The following POF1B variants were observed in gnomAD, a reference collection of about 807,000 sequenced individuals.
POF1B encodes protein POF1B.
Under a neutral mutation model 55.3 loss-of-function variants are expected in POF1B, and 53 were observed. The observed-to-expected ratio is 0.96, with a 90% CI of 0.77 to 1.20. POF1B has a LOEUF of 1.20. Ranked by LOEUF, POF1B falls within the 50% of genes most tolerant of loss-of-function variation. POF1B has a pLI of 0.00. For missense variants in POF1B, 478 were observed against 420.5 expected, an observed-to-expected ratio of 1.14 and a Z score of -1.20; for synonymous variants, 188 against 148.3, an observed-to-expected ratio of 1.27 and a Z score of -1.95.
At chrX:85,311,555 T>C (rs1603037079) in intron 9 of POF1B, among the ~76,000 whole-genome samples, 1 of 111,924 alleles carries the variant, frequency 8.9e-6, no homozygotes, top group African/African-American at 3.3e-5. Context: ...TAGTATTCCA[T>C]GGTGCGTATG....
At position 85,314,174 on chromosome X, in the gene POF1B, C is replaced by T. The variant is rs781741449; in HGVS notation, c.957+258G>A. Among the ~76,000 whole-genome samples the T allele has an allele frequency of 9.9e-5, 11 of 110,611 alleles. No individual in the cohort carries two copies. In the South Asian group the frequency reaches 4.2e-3, roughly 43 times the overall value. On this transcript the variant is annotated intron_variant, in intron 9 of 16. Transcript: ENST00000262753. ...AACTATGAGATAGAGTCAGATTGTA[C>T]TAAAGCGCTGAGGAGTGAATAAGGG...
chrX:85,327,883 G>A (rs1932915009), intron 7 of POF1B, among the ~76,000 whole-genome samples: 1 of 111,967 alleles, frequency 8.9e-6, no homozygotes, highest in East Asian at 2.8e-4. Flanking sequence ...ACAATAAATA[G>A]CACTTAATAT....
chrX:85,332,032 A>G (rs1201797612), intron 6 of POF1B, among the ~76,000 whole-genome samples: 2 of 111,638 alleles, frequency 1.8e-5, no homozygotes, highest in Non-Finnish European at 3.8e-5. Flanking sequence ...TTGATTTCAT[A>G]TCTTGGATAT....
chrX:85,349,622 AG>A (rs1489327555), intron 5 of POF1B, among the ~76,000 whole-genome samples: 2 of 111,263 alleles, frequency 1.8e-5, no homozygotes, highest in African/African-American at 6.5e-5. Flanking sequence ...CACACAGGAA[AG>A]TTTCCATATG....
intron 7 of POF1B, among the ~76,000 whole-genome samples, chrX:85,320,825 T>A (rs1197105749): frequency 9.0e-6 from 1 of 111,182 alleles, no homozygotes; most frequent in Non-Finnish European, 1.9e-5. Context: ...TCTACACAAA[T>A]AAACTAGAAA....
intron 4 of POF1B, among the ~76,000 whole-genome samples, chrX:85,352,327 G>A (rs771956841): frequency 4.5e-5 from 5 of 110,801 alleles, no homozygotes; most frequent in African/African-American, 9.8e-5. Context: ...TGATATAGGG[G>A]AATACTATAG....
intron 6 of POF1B, among the ~76,000 whole-genome samples, chrX:85,332,140 C>T (rs1471921334): frequency 2.7e-5 from 3 of 111,637 alleles, no homozygotes; most frequent in Non-Finnish European, 3.8e-5. Context: ...TCCAGTTGGA[C>T]GCACATATTC....
intron 15 of POF1B, among the ~76,000 whole-genome samples, chrX:85,283,343 G>T (rs949949897): frequency 2.7e-5 from 3 of 109,740 alleles, no homozygotes; most frequent in Non-Finnish European, 3.8e-5. Flanking sequence ...AATATACAAG[G>T]TATATTCAAG....
intron 7 of POF1B, among the ~76,000 whole-genome samples, chrX:85,321,211 G>A (rs761954088): frequency 1.9e-3 from 206 of 111,172 alleles, no homozygotes; most frequent in Non-Finnish European, 3.2e-3. Flanking sequence ...CTGGCAAACC[G>A]AATCCAGCAG....
chrX:85,365,113 G>T lies in POF1B; in HGVS notation c.357+2579C>A, dbSNP rs377403043. ...TTTTCAGCTCTATCAGATCAGTTAG[G>T]TTCTTTTTTTTACTAGCTGTTCCAT... On this transcript the variant is annotated intron_variant, in intron 3 of 16. Coordinates refer to ENST00000262753, the MANE Select transcript of POF1B (RefSeq NM_024921.4). Among the ~76,000 whole-genome samples, 34 of 111,321 alleles carry T rather than the reference G, an allele frequency of 3.1e-4. No homozygotes were observed. The South Asian group carries it at 0.012, about 39-fold the overall frequency.
intron 2 of POF1B, among the ~76,000 whole-genome samples, chrX:85,375,598 A>G (rs1416227544): frequency 1.8e-5 from 2 of 111,910 alleles, no homozygotes; most frequent in African/African-American, 6.5e-5. Flanking sequence ...CAGGCAGCGC[A>G]CTTCCTTGAA....
intron 15 of POF1B, among the ~76,000 whole-genome samples, chrX:85,283,310 G>A (rs1176780237): frequency 9.0e-6 from 1 of 110,509 alleles, no homozygotes; most frequent in Admixed American, 9.7e-5. Flanking sequence ...GTAGGTAAAT[G>A]TGCATCTATT....
intron 6 of POF1B, among the ~76,000 whole-genome samples, chrX:85,344,842 G>T (rs1933239709): frequency 9.0e-6 from 1 of 111,378 alleles, no homozygotes; most frequent in Admixed American, 9.6e-5. Context: ...GTCTTGAACT[G>T]CTGGCTTCAA....
At chrX:85,373,626 A>C (rs981278690) in intron 2 of POF1B, among the ~76,000 whole-genome samples, 4 of 111,742 alleles carry the variant, frequency 3.6e-5, no homozygotes, top group African/African-American at 1.3e-4. Context: ...TTAGAATATA[A>C]TCTCTACCCT....
intron 9 of POF1B, among the ~76,000 whole-genome samples, chrX:85,314,069 A>G (rs1932760671): frequency 9.1e-6 from 1 of 110,105 alleles, no homozygotes; most frequent in South Asian, 3.8e-4. Flanking sequence ...TATTGTGTCT[A>G]TTTGATTTTT....
intron 7 of POF1B, among the ~76,000 whole-genome samples, chrX:85,328,839 A>G (rs1221679158): frequency 1.8e-5 from 2 of 109,321 alleles, no homozygotes; most frequent in African/African-American, 3.4e-5. Flanking sequence ...ATGTAAAAAA[A>G]AAAAACAAAA....
intron 4 of POF1B, among the ~76,000 whole-genome samples, chrX:85,353,260 T>C (rs1279039922): frequency 1.8e-5 from 2 of 111,182 alleles, no homozygotes; most frequent in East Asian, 5.7e-4. Context: ...AAAGTGTAAG[T>C]TATATGTATG....
chrX:85,348,477 T>C (rs935066183), intron 5 of POF1B, among the ~76,000 whole-genome samples: 2 of 110,743 alleles, frequency 1.8e-5, no homozygotes, highest in Non-Finnish European at 3.8e-5. Flanking sequence ...TCTTTTTTCT[T>C]GAACATTTCT....
chrX:85,351,462 A>G lies in POF1B; in HGVS notation c.439-11T>C. 1 of 1,128,575 alleles carries G rather than the reference A, an allele frequency of 8.9e-7. No homozygotes were observed. 93.0% of individuals were successfully genotyped at this position (1,128,575 alleles called of 1,213,427 possible). Reference sequence around the variant, plus strand: ...TTGAGACAGTGGTTCCTAAAATGATAGTAAATTATATGTTTTGTTTTGAAA... The same window carrying G: ...TTGAGACAGTGGTTCCTAAAATGATGGTAAATTATATGTTTTGTTTTGAAA... On this transcript the variant is annotated splice_polypyrimidine_tract_variant and intron_variant, in intron 4 of 16. Transcript: ENST00000262753.
Sources: allele counts gnomAD v4.1 joint callset (sites outside exome capture counted in the v4.1 genomes callset), GRCh38; gene constraint gnomAD v4.1.1; transcripts MANE v1.5; gene names NCBI Gene and HGNC (gene_info 2026-07-23, HGNC 2026-07-21).